Variants in TRPM3 observed in about 807,000 individuals in gnomAD.
TRPM3 encodes the protein transient receptor potential cation channel subfamily M member 3.
TRPM3 carries 77 observed loss-of-function variants against 181.2 expected under a neutral mutation model. That is an observed-to-expected ratio of 0.42 (90% CI 0.35 to 0.51). The LOEUF (loss-of-function observed/expected upper bound fraction) is 0.51, where lower values mean the gene tolerates loss of function less well. Ranked by LOEUF, TRPM3 falls within the 20% of genes least tolerant of loss-of-function variation. The pLI is 0.01. For missense variants in TRPM3, 1,759 were observed against 2,196.7 expected (o/e 0.80, Z 3.98); for synonymous variants, 745 against 796.4 (o/e 0.94, Z 1.09).
intron 1 of TRPM3, among the ~76,000 whole-genome samples, chr9:71,018,958 T>C (rs2097814073): frequency 6.6e-6 from 1 of 152,034 alleles, no homozygotes; most frequent in South Asian, 2.1e-4. Flanking sequence ...GTCAGGTTCA[T>C]TTCAGGAGTG....
intron 1 of TRPM3, among the ~76,000 whole-genome samples, chr9:71,077,501 C>A (rs1434460951): frequency 6.6e-6 from 1 of 152,186 alleles, no homozygotes; most frequent in African/African-American, 2.4e-5. Context: ...TCCACTCTTT[C>A]TTCCAGGAAA....
At chr9:71,047,087 A>G (rs1447159650) in intron 1 of TRPM3, among the ~76,000 whole-genome samples, 1 of 152,230 alleles carries the variant, frequency 6.6e-6, no homozygotes, top group East Asian at 1.9e-4. Context: ...CCTCCAGATC[A>G]TAAGGGAAAT....
intron 1 of TRPM3, among the ~76,000 whole-genome samples, chr9:71,270,583 G>A (rs1053384416): frequency 1.3e-5 from 2 of 152,062 alleles, no homozygotes; most frequent in African/African-American, 4.8e-5. Flanking sequence ...TCCTCCCTAG[G>A]TATTCACTTA....
At chr9:70,812,987 A>G (rs1381429019) in intron 6 of TRPM3, among the ~76,000 whole-genome samples, 1 of 152,252 alleles carries the variant, frequency 6.6e-6, no homozygotes, top group African/African-American at 2.4e-5. Flanking sequence ...AAGTGAAACT[A>G]AGGTAGTGAC....
chr9:71,119,499 C>G (rs1249257034), intron 1 of TRPM3, among the ~76,000 whole-genome samples: 1 of 151,956 alleles, frequency 6.6e-6, no homozygotes, highest in Non-Finnish European at 1.5e-5. Flanking sequence ...AGGTACTTCT[C>G]TGCTGGTTTT....
chr9:70,658,938 G>GT (rs570840719), intron 9 of TRPM3, among the ~76,000 whole-genome samples: 32 of 152,050 alleles, frequency 2.1e-4, no homozygotes, highest in African/African-American at 6.3e-4. Flanking sequence ...CTGATCATTT[G>GT]TTTTTTTGTC....
intron 1 of TRPM3, among the ~76,000 whole-genome samples, chr9:71,279,058 A>AAAAAAAAAC (rs2084476279): frequency 6.7e-6 from 1 of 149,146 alleles, no homozygotes; most frequent in Non-Finnish European, 1.5e-5. Context: ...AATAAAAATA[A>AAAAAAAAAC]AAATAAAAAA....
chr9:71,437,588 C>A (rs1434885619), intron 1 of TRPM3, among the ~76,000 whole-genome samples: 2 of 151,850 alleles, frequency 1.3e-5, no homozygotes, highest in Non-Finnish European at 2.9e-5. Context: ...CCTAAAACAC[C>A]AGCCGGGCGT....
chr9:70,597,361 T>G (rs111389926), intron 21 of TRPM3, among the ~76,000 whole-genome samples: 1 of 152,202 alleles, frequency 6.6e-6, no homozygotes, highest in Admixed American at 6.5e-5. Flanking sequence ...CATGACCCAC[T>G]GTGTCTGACC....
At chr9:71,227,461 C>A (rs2080756082) in intron 1 of TRPM3, among the ~76,000 whole-genome samples, 1 of 151,740 alleles carries the variant, frequency 6.6e-6, no homozygotes, top group African/African-American at 2.4e-5. Flanking sequence ...AAGAGCAAAC[C>A]AAACCCAAAG....
At chr9:71,204,942 T>C (rs1015974821) in intron 1 of TRPM3, among the ~76,000 whole-genome samples, 10 of 151,958 alleles carry the variant, frequency 6.6e-5, no homozygotes, top group Non-Finnish European at 1.3e-4. Flanking sequence ...AAACCATCAT[T>C]CTCCGTAAAC....
chr9:71,282,344 GAAAAGAAAGAAAGA>G (rs140041529), intron 1 of TRPM3, among the ~76,000 whole-genome samples: 4,919 of 89,916 alleles, frequency 0.055, 1,341 homozygotes, highest in African/African-American at 0.2. Flanking sequence ...GAGAAAGAAA[GAAAAGAAAGAAAGA>G]AAAAGAAAGA....
At chr9:70,632,088 A>C (rs1222864083) in intron 12 of TRPM3, among the ~76,000 whole-genome samples, 1 of 152,160 alleles carries the variant, frequency 6.6e-6, no homozygotes, top group East Asian at 1.9e-4. Flanking sequence ...TTCCCCCCAT[A>C]ATTGTAAAGA....
chr9:71,351,642 T>C (rs2091630913), intron 1 of TRPM3, among the ~76,000 whole-genome samples: 1 of 152,118 alleles, frequency 6.6e-6, no homozygotes, highest in Admixed American at 6.5e-5. Flanking sequence ...CAAAATATAA[T>C]GGACAAAAAA....
intron 1 of TRPM3, among the ~76,000 whole-genome samples, chr9:71,181,709 G>A (rs1295934221): frequency 1.3e-5 from 2 of 152,094 alleles, no homozygotes; most frequent in African/African-American, 4.8e-5. Flanking sequence ...TTTAGCAACA[G>A]AGAGGTTCTT....
At chr9:70,982,631 T>A (rs1185173409) in intron 1 of TRPM3, among the ~76,000 whole-genome samples, 1 of 152,192 alleles carries the variant, frequency 6.6e-6, no homozygotes. Context: ...CATCTTCACA[T>A]CCTAGTTTAT....
intron 1 of TRPM3, among the ~76,000 whole-genome samples, chr9:71,202,174 G>A (rs570614963): frequency 6.6e-6 from 1 of 152,280 alleles, no homozygotes; most frequent in African/African-American, 2.4e-5. Context: ...GCTGCTGTCT[G>A]ATCATTCCTC....
intron 1 of TRPM3, among the ~76,000 whole-genome samples, chr9:71,239,701 A>G (rs1476170761): frequency 6.6e-6 from 1 of 152,138 alleles, no homozygotes; most frequent in Non-Finnish European, 1.5e-5. Flanking sequence ...TTGTAGTATT[A>G]TTCCTTAGAA....
chr9:71,423,102 T>C (rs567283082), intron 1 of TRPM3, among the ~76,000 whole-genome samples: 6 of 152,244 alleles, frequency 3.9e-5, no homozygotes, highest in African/African-American at 1.4e-4. Flanking sequence ...CTATCACTGG[T>C]TGCTCATCAA....
Sources: gnomAD v4.1 joint callset for allele counts (sites outside exome capture counted in the v4.1 genomes callset) on GRCh38, gnomAD v4.1.1 for gene constraint, MANE v1.5 for transcripts, NCBI Gene and HGNC (gene_info 2026-07-23, HGNC 2026-07-21) for gene names.